ROBO2: variants seen among roughly 807,000 people sequenced by gnomAD.
ROBO2 encodes roundabout homolog 2.
ROBO2 carries 53 observed loss-of-function variants against 160.8 expected under a neutral mutation model. That is an observed-to-expected ratio of 0.33 (90% CI 0.26 to 0.41). ROBO2 has a LOEUF of 0.41. Among genes scored for constraint, ROBO2 ranks in the 10% least tolerant of loss-of-function variants. The pLI, the probability that ROBO2 is intolerant of heterozygous loss-of-function variation, is 1.00. For synonymous variants in ROBO2, 664 were observed against 611.7 expected (o/e 1.09, Z -1.26); for missense variants, 1,577 against 1,722.4 (o/e 0.92, Z 1.49).
chr3:76,423,182 A>T (rs556194840), intron 2 of ROBO2, among the ~76,000 whole-genome samples: 38 of 152,298 alleles, frequency 2.5e-4, no homozygotes, highest in African/African-American at 9.1e-4. Context: ...GCAAGTTAAG[A>T]TGAACAGGAA....
chr3:77,613,369 T>C (rs1428472834), intron 21 of ROBO2, among the ~76,000 whole-genome samples: 1 of 152,304 alleles, frequency 6.6e-6, no homozygotes, highest in East Asian at 1.9e-4. Flanking sequence ...TTCGTTCTTT[T>C]TTCCAAGGTA....
chr3:76,903,321 A>G (rs1356096430), intron 2 of ROBO2, among the ~76,000 whole-genome samples: 1 of 152,096 alleles, frequency 6.6e-6, no homozygotes, highest in Non-Finnish European at 1.5e-5. Flanking sequence ...TCTTCTGCCT[A>G]TATCCTTCTT....
intron 2 of ROBO2, among the ~76,000 whole-genome samples, chr3:76,051,998 A>G (rs1392558581): frequency 3.9e-5 from 6 of 152,186 alleles, no homozygotes; most frequent in Admixed American, 1.3e-4. Context: ...CCCTTTAACA[A>G]TTTTTATGTC....
At chr3:77,448,815 A>G (rs1376399819) in intron 2 of ROBO2, among the ~76,000 whole-genome samples, 1 of 151,940 alleles carries the variant, frequency 6.6e-6, no homozygotes, top group Non-Finnish European at 1.5e-5. Context: ...TGAGACCAAC[A>G]TTAAGCTTTT....
intron 2 of ROBO2, among the ~76,000 whole-genome samples, chr3:76,968,250 T>G (rs1166571814): frequency 1.3e-5 from 2 of 152,184 alleles, no homozygotes; most frequent in African/African-American, 4.8e-5. Flanking sequence ...GTTTTATAGA[T>G]TAGTCTTGCA....
chr3:76,857,228 G>A (rs1265868404), intron 2 of ROBO2, among the ~76,000 whole-genome samples: 3 of 152,020 alleles, frequency 2.0e-5, no homozygotes, highest in Non-Finnish European at 2.9e-5. Context: ...CTCGTGATCC[G>A]CCCGCCTCGG....
intron 2 of ROBO2, among the ~76,000 whole-genome samples, chr3:77,121,511 C>G (rs1405040151): frequency 1.3e-5 from 2 of 152,082 alleles, no homozygotes; most frequent in African/African-American, 2.4e-5. Flanking sequence ...ACTGACCTCT[C>G]TTGGGTTCTC....
At chr3:76,966,840 C>G (rs1327422877) in intron 2 of ROBO2, among the ~76,000 whole-genome samples, 1 of 152,146 alleles carries the variant, frequency 6.6e-6, no homozygotes, top group East Asian at 1.9e-4. Flanking sequence ...ACAATAGGTT[C>G]AAAAACAGGA....
chr3:76,791,449 A>ATGTCTCTCTTTCTC (rs369074377), intron 2 of ROBO2, among the ~76,000 whole-genome samples: 2,739 of 150,540 alleles, frequency 0.018, 70 homozygotes, highest in African/African-American at 0.063. Context: ...TTCTGCTTTC[A>ATGTCTCTCTTTCTC]TGTCTCTCTC....
chr3:77,359,331 T>A (rs151062455), intron 2 of ROBO2, among the ~76,000 whole-genome samples: 23 of 152,222 alleles, frequency 1.5e-4, no homozygotes, highest in South Asian at 1.0e-3. Context: ...TGGAGTGTGA[T>A]CAAGTAAGAT....
intron 2 of ROBO2, among the ~76,000 whole-genome samples, chr3:77,395,310 C>T (rs2075164851): frequency 6.6e-6 from 1 of 152,150 alleles, no homozygotes; most frequent in Non-Finnish European, 1.5e-5. Context: ...GCTTACTTTT[C>T]CGCTTTCCCG....
intron 2 of ROBO2, among the ~76,000 whole-genome samples, chr3:76,431,591 CTT>C (rs2076439754): frequency 6.6e-6 from 1 of 152,008 alleles, no homozygotes; most frequent in Non-Finnish European, 1.5e-5. Flanking sequence ...CCAAGATAAT[CTT>C]TCGTATAAAC....
At chr3:77,227,807 T>C (rs1443365787) in intron 2 of ROBO2, among the ~76,000 whole-genome samples, 1 of 152,238 alleles carries the variant, frequency 6.6e-6, no homozygotes, top group Non-Finnish European at 1.5e-5. Flanking sequence ...ACTGCCTTAC[T>C]CTGTCATTGA....
chr3:76,826,554 C>A (rs1324751405), intron 2 of ROBO2, among the ~76,000 whole-genome samples: 1 of 151,948 alleles, frequency 6.6e-6, no homozygotes, highest in Non-Finnish European at 1.5e-5. Flanking sequence ...AGGTATGGCC[C>A]CGTAATAACA....
chr3:77,403,335 T>A (rs564506117), intron 2 of ROBO2, among the ~76,000 whole-genome samples: 1 of 152,256 alleles, frequency 6.6e-6, no homozygotes, highest in South Asian at 2.1e-4. Flanking sequence ...CTAGCTAAAA[T>A]TTTGAAACCT....
chr3:77,216,541 C>T (rs547706362), intron 2 of ROBO2, among the ~76,000 whole-genome samples: 67 of 152,298 alleles, frequency 4.4e-4, no homozygotes, highest in African/African-American at 1.5e-3. Flanking sequence ...GGCGATGCCT[C>T]GCCCTGCTTC....
At position 76,834,878 on chromosome 3, in the gene ROBO2, C is replaced by T. The variant is rs140929788; in HGVS notation, c.110-263136C>T. Among the ~76,000 whole-genome samples, 157 of 152,192 alleles carry T rather than the reference C, an allele frequency of 1.0e-3. 1 individual carries two copies. The highest frequency in any genetic ancestry group is 3.5e-3 in the African/African-American group (145 of 41,550). On this transcript the variant is annotated intron_variant, in intron 2 of 26. Transcript: ENST00000487694. ...CTTGAGGCAACCCAATTGTTTATAA[C>T]GTATTGTTTACAACATTTGCCGTTC...
chr3:77,052,084 T>C (rs912134985), intron 1 of ROBO2, among the ~76,000 whole-genome samples: 1 of 152,190 alleles, frequency 6.6e-6, no homozygotes, highest in African/African-American at 2.4e-5. Flanking sequence ...CATGCCTTCT[T>C]TACTGACTGA....
At chr3:77,616,265 A>C (rs1301969521) in intron 21 of ROBO2, among the ~76,000 whole-genome samples, 1 of 152,196 alleles carries the variant, frequency 6.6e-6, no homozygotes, top group Non-Finnish European at 1.5e-5. Flanking sequence ...CAGACTTTAG[A>C]GAAAAATATA....
Sources: allele counts gnomAD v4.1 joint callset (sites outside exome capture counted in the v4.1 genomes callset), GRCh38; gene constraint gnomAD v4.1.1; transcripts MANE v1.5; gene names NCBI Gene and HGNC (gene_info 2026-07-23, HGNC 2026-07-21).